Variants in NRG1 observed in about 807,000 individuals in gnomAD.
NRG1 encodes the protein pro-neuregulin-1, membrane-bound isoform.
In NRG1, 18 loss-of-function variants were observed where a neutral mutation model predicts 63.8. The ratio of observed to expected loss-of-function variants is 0.28; its 90% confidence interval spans 0.19 to 0.42. The LOEUF (loss-of-function observed/expected upper bound fraction) is 0.42, where lower values mean the gene tolerates loss of function less well. Ranked by LOEUF, NRG1 falls within the 10% of genes least tolerant of loss-of-function variation. The pLI is 1.00. For synonymous variants in NRG1, 302 were observed against 301.3 expected, an observed-to-expected ratio of 1.00 and a Z score of -0.02; for missense variants, 762 against 814.7, an observed-to-expected ratio of 0.94 and a Z score of 0.79.
At chr8:31,853,644 C>G (rs1445246765) in intron 1 of NRG1, among the ~76,000 whole-genome samples, 5 of 151,480 alleles carry the variant, frequency 3.3e-5, no homozygotes, top group Admixed American at 6.6e-5. Flanking sequence ...ACTTCCAACA[C>G]TATGTTGAAT....
intron 1 of NRG1, among the ~76,000 whole-genome samples, chr8:32,143,873 T>G (rs1282901102): frequency 6.6e-6 from 1 of 152,244 alleles, no homozygotes; most frequent in East Asian, 1.9e-4. Flanking sequence ...TGGTGAGAAT[T>G]GCTGCATTGG....
At chr8:31,858,723 C>T (rs1055702343) in intron 1 of NRG1, among the ~76,000 whole-genome samples, 15 of 152,098 alleles carry the variant, frequency 9.9e-5, no homozygotes, top group African/African-American at 2.7e-4. Flanking sequence ...CAAATCAGTG[C>T]GATGTAGTGA....
At chr8:32,494,412 T>C (rs1228951513) in intron 1 of NRG1, among the ~76,000 whole-genome samples, 1 of 152,208 alleles carries the variant, frequency 6.6e-6, no homozygotes, top group East Asian at 1.9e-4. Context: ...TTATACTACT[T>C]TTTAACACAT....
intron 5 of NRG1, among the ~76,000 whole-genome samples, chr8:32,685,636 CT>C (rs1809909250): frequency 6.6e-6 from 1 of 152,164 alleles, no homozygotes; most frequent in African/African-American, 2.4e-5. Context: ...TTCTTTTCAA[CT>C]TTAAAATAAT....
intron 1 of NRG1, among the ~76,000 whole-genome samples, chr8:32,015,972 C>T (rs918382719): frequency 1.3e-5 from 2 of 152,026 alleles, no homozygotes; most frequent in African/African-American, 4.8e-5. Flanking sequence ...CTGACAGCAG[C>T]TCTACAATTC....
intron 1 of NRG1, among the ~76,000 whole-genome samples, chr8:31,658,230 C>G (rs980073690): frequency 1.3e-5 from 2 of 152,168 alleles, no homozygotes; most frequent in African/African-American, 4.8e-5. Flanking sequence ...GGAAAAGAGA[C>G]ATGGTAGAGT....
chr8:31,799,264 A>G (rs1280531202), intron 1 of NRG1, among the ~76,000 whole-genome samples: 1 of 152,124 alleles, frequency 6.6e-6, no homozygotes, highest in Admixed American at 6.5e-5. Context: ...TGGGGTTACT[A>G]CATAAGTTGA....
At chr8:31,982,996 C>CT (rs1234102953) in intron 1 of NRG1, among the ~76,000 whole-genome samples, 4 of 152,094 alleles carry the variant, frequency 2.6e-5, no homozygotes, top group Non-Finnish European at 4.4e-5. Context: ...TGTGCCTTCT[C>CT]TTCATCATAT....
intron 1 of NRG1, among the ~76,000 whole-genome samples, chr8:32,437,144 A>T (rs1231544736): frequency 6.6e-6 from 1 of 152,048 alleles, no homozygotes; most frequent in East Asian, 1.9e-4. Flanking sequence ...TTGGAATTTA[A>T]GTCTAGACTA....
intron 1 of NRG1, among the ~76,000 whole-genome samples, chr8:32,220,743 C>T (rs1845725871): frequency 6.6e-6 from 1 of 152,228 alleles, no homozygotes; most frequent in African/African-American, 2.4e-5. Flanking sequence ...AGCAACGCCC[C>T]TCCCGGAGCT....
chr8:32,520,255 G>A (rs548373469), intron 1 of NRG1, among the ~76,000 whole-genome samples: 5 of 151,934 alleles, frequency 3.3e-5, no homozygotes, highest in Middle Eastern at 3.4e-3. Context: ...TCCAAATTCC[G>A]GGCTTAAGTA....
intron 1 of NRG1, among the ~76,000 whole-genome samples, chr8:31,648,403 A>T (rs1804514013): frequency 6.6e-6 from 1 of 152,036 alleles, no homozygotes; most frequent in Non-Finnish European, 1.5e-5. Flanking sequence ...AAGTGCTGGG[A>T]TTACAGGCGT....
intron 1 of NRG1, among the ~76,000 whole-genome samples, chr8:31,694,233 C>G (rs113953799): frequency 6.6e-6 from 1 of 152,098 alleles, no homozygotes; most frequent in African/African-American, 2.4e-5. Flanking sequence ...AATCATCTTG[C>G]TCTCTCTCTT....
intron 1 of NRG1, among the ~76,000 whole-genome samples, chr8:31,762,948 C>T (rs1370217232): frequency 6.6e-6 from 1 of 152,020 alleles, no homozygotes; most frequent in East Asian, 1.9e-4. Context: ...CGTAATAAAA[C>T]ATTAGAAAAT....
At chr8:31,712,057 G>A (rs1033271768) in intron 1 of NRG1, among the ~76,000 whole-genome samples, 12 of 151,692 alleles carry the variant, frequency 7.9e-5, no homozygotes, top group South Asian at 2.1e-4. Context: ...TTCTGTATCC[G>A]TCATCTAGTC....
At chr8:32,608,074 T>G (rs369068830) in intron 3 of NRG1, among the ~76,000 whole-genome samples, 1 of 149,664 alleles carries the variant, frequency 6.7e-6, no homozygotes, top group Non-Finnish European at 1.5e-5. Flanking sequence ...AAAGGAGATA[T>G]GAACCCAGGT....
At chr8:31,769,013 A>G (rs1414104968) in intron 1 of NRG1, among the ~76,000 whole-genome samples, 1 of 152,142 alleles carries the variant, frequency 6.6e-6, no homozygotes, top group Non-Finnish European at 1.5e-5. Flanking sequence ...GAAACATCAC[A>G]TTATAAAAAA....
intron 1 of NRG1, among the ~76,000 whole-genome samples, chr8:31,793,711 C>T (rs991732915): frequency 6.6e-6 from 1 of 152,132 alleles, no homozygotes; most frequent in Non-Finnish European, 1.5e-5. Context: ...TTTATCCTTC[C>T]TCTTTTCTGT....
At chr8:31,721,917 G>C (rs1209858803) in intron 1 of NRG1, among the ~76,000 whole-genome samples, 1 of 152,058 alleles carries the variant, frequency 6.6e-6, no homozygotes, top group African/African-American at 2.4e-5. Context: ...TTCCTCCTGT[G>C]TGAACTCATA....
Sources: allele counts gnomAD v4.1 joint callset (sites outside exome capture counted in the v4.1 genomes callset), GRCh38; gene constraint gnomAD v4.1.1; transcripts MANE v1.5; gene names NCBI Gene and HGNC (gene_info 2026-07-23, HGNC 2026-07-21).